The following RAD54B variants were observed in gnomAD, a reference collection of about 807,000 sequenced individuals.
RAD54B encodes the protein DNA repair and recombination protein RAD54B.
RAD54B carries 78 observed loss-of-function variants against 95.8 expected under a neutral mutation model. That is an observed-to-expected ratio of 0.81 (90% CI 0.68 to 0.98). RAD54B has a LOEUF of 0.98. Ranked by LOEUF, RAD54B falls within the 50% of genes least tolerant of loss-of-function variation. The pLI is 0.00. For missense variants in RAD54B, 957 were observed against 1,056.6 expected (o/e 0.91, Z 1.31); for synonymous variants, 328 against 354.9 (o/e 0.92, Z 0.85).
intron 11 of RAD54B, among the ~76,000 whole-genome samples, chr8:94,382,712 G>A (rs961905428): frequency 2.6e-5 from 4 of 152,202 alleles, no homozygotes; most frequent in South Asian, 4.2e-4. Context: ...ACTAAATCAC[G>A]GGGGCGGTTT....
At chr8:94,432,403 T>C (rs1812126083) in intron 3 of RAD54B, 5 of 1,550,438 alleles carry the variant, frequency 3.2e-6, no homozygotes, top group East Asian at 4.9e-5. Flanking sequence ...CTCCTTGGAA[T>C]AGAAGATGGA....
intron 3 of RAD54B, among the ~76,000 whole-genome samples, chr8:94,418,608 C>T (rs1811729209): frequency 6.6e-6 from 1 of 152,116 alleles, no homozygotes; most frequent in African/African-American, 2.4e-5. Flanking sequence ...CATGCTATTG[C>T]TTTATACTCA....
At position 94,435,160 on chromosome 8, in the gene RAD54B, A is replaced by G. The variant is rs138540568; in HGVS notation, c.304+23108T>C. On this transcript the variant is annotated intron_variant, in intron 3 of 14. Transcript: ENST00000336148. The stretch of plus-strand genomic sequence containing the variant: ...TGCATAAGTAGCACAGTATAAAACA[A>G]TTTTACTGCGTAGTTTTCTGGATAT... Among the ~76,000 whole-genome samples the G allele has an allele frequency of 8.5e-5, 13 of 152,174 alleles. No homozygotes were observed. In the East Asian group the frequency reaches 2.5e-3, roughly 29 times the overall value.
chr8:94,465,986 C>T (rs1443384349), intron 2 of RAD54B, among the ~76,000 whole-genome samples: 3 of 152,064 alleles, frequency 2.0e-5, no homozygotes, highest in East Asian at 1.9e-4. Context: ...AAAGTAGAAT[C>T]GTGGTTATCA....
Position 94,407,495 on chromosome 8 carries a change from T to G in RAD54B, c.725A>C (p.Glu242Ala). 1 of 1,613,976 alleles carries G rather than the reference T, an allele frequency of 6.2e-7. No individual in the cohort carries two copies. The highest frequency in any genetic ancestry group is 8.5e-7 in the Non-Finnish European group (1 of 1,179,866). Reference sequence around the variant, plus strand: ...ATTTTGGAAATCATTCTGTCTATTTTCCTTTGAACTTGGTTTACAAACACT... The same window carrying G: ...ATTTTGGAAATCATTCTGTCTATTTGCCTTTGAACTTGGTTTACAAACACT... ...FKSVCKPSSK[E>A]NRQNDFQNCK... Residue 242 changes from glutamate (E) to alanine (A), a missense_variant, in exon 5 of 15, where the codon GAA becomes GCA. By Grantham distance (107) the Glu-to-Ala change is moderately radical. Transcript: ENST00000336148.
chr8:94,442,441 GGC>G (rs1812421551), intron 3 of RAD54B, among the ~76,000 whole-genome samples: 2 of 152,030 alleles, frequency 1.3e-5, no homozygotes, highest in Admixed American at 6.5e-5. Context: ...CAGGCGTGGT[GGC>G]AGGCGCCTGT....
At chr8:94,465,327 A>C (rs12542622) in intron 2 of RAD54B, among the ~76,000 whole-genome samples, 15,591 of 152,110 alleles carry the variant, frequency 0.1, 1,519 homozygotes, top group African/African-American at 0.25. Flanking sequence ...AAAAAAAGAC[A>C]CCATTAAAAA....
chr8:94,420,684 T>TA (rs58521756), intron 3 of RAD54B, among the ~76,000 whole-genome samples: 55 of 151,228 alleles, frequency 3.6e-4, no homozygotes, highest in Admixed American at 7.2e-4. Context: ...AACACATACA[T>TA]AAAAAAAAAG....
At chr8:94,458,544 T>C in intron 2 of RAD54B, 108 bp from the exon 3 acceptor site, 1 of 778,190 alleles carries the variant, frequency 1.3e-6, no homozygotes, top group Non-Finnish European at 1.9e-6. Context: ...ACTGGTTATA[T>C]ATATAAACTA....
At chr8:94,378,488 G>T in intron 13 of RAD54B, 80 bp downstream of exon 13, 2 of 1,441,266 alleles carry the variant, frequency 1.4e-6, no homozygotes, top group South Asian at 2.6e-5. Flanking sequence ...ATATATTCCT[G>T]ACACTGAAGC....
intron 9 of RAD54B, among the ~76,000 whole-genome samples, chr8:94,392,973 G>A (rs918300035): frequency 3.3e-5 from 5 of 150,896 alleles, no homozygotes; most frequent in Non-Finnish European, 7.4e-5. Context: ...ACAGGCATGT[G>A]CCACCATGCC....
chr8:94,376,571 AT>A (rs1810577324), intron 14 of RAD54B, among the ~76,000 whole-genome samples: 1 of 151,350 alleles, frequency 6.6e-6, no homozygotes, highest in African/African-American at 2.4e-5. Context: ...GTTAATTAAT[AT>A]TTTTAATTAC....
chr8:94,407,858 C>T (rs1811433121), intron 4 of RAD54B, 138 bp from the exon 5 acceptor site: 1 of 590,960 alleles, frequency 1.7e-6, no homozygotes, highest in Non-Finnish European at 2.7e-6. Flanking sequence ...CATAATTTAA[C>T]ATTTTGGTTA....
intron 2 of RAD54B, among the ~76,000 whole-genome samples, chr8:94,464,517 A>G (rs1370745129): frequency 6.6e-6 from 1 of 152,208 alleles, no homozygotes; most frequent in Non-Finnish European, 1.5e-5. Flanking sequence ...ATTTGTGGTA[A>G]TTTGTTTCAG....
At chr8:94,406,793 C>T (rs1315746386) in intron 5 of RAD54B, among the ~76,000 whole-genome samples, 1 of 152,108 alleles carries the variant, frequency 6.6e-6, no homozygotes, top group African/African-American at 2.4e-5. Flanking sequence ...CTTGTCCTTC[C>T]CCTCACCAAA....
intron 11 of RAD54B, among the ~76,000 whole-genome samples, chr8:94,386,458 T>C (rs958453711): frequency 2.0e-5 from 3 of 152,118 alleles, no homozygotes; most frequent in African/African-American, 7.2e-5. Context: ...ATGTAGAAAT[T>C]AGAAGAGAGG....
Position 94,384,123 on chromosome 8 carries a change from G to C in RAD54B, c.1985+2861C>G, listed in dbSNP as rs893689670. ...TTGTGCACATGTACCCTAGAACTTA[G>C]AATATAATAAAAATATATCTATAAA... On this transcript the variant is annotated intron_variant, in intron 11 of 14. Transcript: ENST00000336148. Among the ~76,000 whole-genome samples the C allele has an allele frequency of 2.0e-5, 3 of 151,610 alleles. No homozygotes were observed. In the East Asian group the frequency reaches 5.8e-4, roughly 29 times the overall value.
chr8:94,423,018 C>A (rs1241658942), intron 3 of RAD54B, among the ~76,000 whole-genome samples: 8 of 151,706 alleles, frequency 5.3e-5, no homozygotes, highest in Admixed American at 2.6e-4. Context: ...AATTCATTTT[C>A]ATTAAGAGTT....
At chr8:94,409,889 T>C (rs1811484556) in intron 4 of RAD54B, among the ~76,000 whole-genome samples, 1 of 152,194 alleles carries the variant, frequency 6.6e-6, no homozygotes, top group African/African-American at 2.4e-5. Context: ...GCAATACCAA[T>C]GCATGAACAA....
Sources: gnomAD v4.1 joint callset for allele counts (sites outside exome capture counted in the v4.1 genomes callset) on GRCh38, gnomAD v4.1.1 for gene constraint, MANE v1.5 for transcripts, NCBI Gene and HGNC (gene_info 2026-07-23, HGNC 2026-07-21) for gene names.